BCKDHB: variants seen among roughly 807,000 people sequenced by gnomAD.
The protein encoded by BCKDHB is branched chain keto acid dehydrogenase E1 subunit beta.
A neutral mutation model predicts 48.5 loss-of-function variants in BCKDHB; 41 were observed. That is an observed-to-expected ratio of 0.85 (90% CI 0.66 to 1.10). The LOEUF is 1.10. BCKDHB is among the 50% of genes least tolerant of loss of function. BCKDHB has a pLI of 0.00. For synonymous variants in BCKDHB, 201 were observed against 174.8 expected, an observed-to-expected ratio of 1.15 and a Z score of -1.18; for missense variants, 496 against 494.2, an observed-to-expected ratio of 1.00 and a Z score of -0.03.
At chr6:80,221,805 A>G (rs1046884974) in intron 8 of BCKDHB, among the ~76,000 whole-genome samples, 6 of 152,218 alleles carry the variant, frequency 3.9e-5, no homozygotes, top group African/African-American at 1.4e-4. Flanking sequence ...AATTTTCTGC[A>G]TAATTAGTGT....
chr6:80,269,578 A>G (rs928183853), intron 8 of BCKDHB, among the ~76,000 whole-genome samples: 1 of 152,010 alleles, frequency 6.6e-6, no homozygotes, highest in African/African-American at 2.4e-5. Flanking sequence ...ATCCAGGAAC[A>G]GTACTCGGTG....
the BCKDHB span, among the ~76,000 whole-genome samples, chr6:80,397,740 G>A: frequency 1.3e-3 from 193 of 152,176 alleles, no homozygotes; most frequent in African/African-American, 4.5e-3. Context: ...AAATTAGCCA[G>A]GCATGGTGGC....
At chr6:80,252,810 A>C (rs1434675703) in intron 8 of BCKDHB, among the ~76,000 whole-genome samples, 1 of 152,230 alleles carries the variant, frequency 6.6e-6, no homozygotes, top group Non-Finnish European at 1.5e-5. Flanking sequence ...AAAAGATTTA[A>C]TTGGACTGTT....
the BCKDHB span, among the ~76,000 whole-genome samples, chr6:80,460,378 C>G: frequency 6.6e-6 from 1 of 152,124 alleles, no homozygotes; most frequent in Non-Finnish European, 1.5e-5. Flanking sequence ...TGCAGAGGCA[C>G]TTGCTTTACA....
chr6:80,248,416 T>C (rs1489532378), intron 8 of BCKDHB, among the ~76,000 whole-genome samples: 2 of 152,222 alleles, frequency 1.3e-5, no homozygotes, highest in African/African-American at 4.8e-5. Context: ...TTTTTTGAGC[T>C]TAGGGTTTAT....
chr6:80,236,835 TTATTATCACTTC>T (rs1349311008), intron 8 of BCKDHB, among the ~76,000 whole-genome samples: 1 of 152,214 alleles, frequency 6.6e-6, no homozygotes, highest in Non-Finnish European at 1.5e-5. Context: ...ATAGTGAATG[TTATTATCACTTC>T]TTGGAAAAAT....
chr6:80,406,354 C>T, the BCKDHB span, among the ~76,000 whole-genome samples: 1 of 152,164 alleles, frequency 6.6e-6, no homozygotes, highest in African/African-American at 2.4e-5. Flanking sequence ...AATGGGATTG[C>T]CCTTGGGTAT....
At chr6:80,336,512 A>C (rs1479340393) in intron 9 of BCKDHB, among the ~76,000 whole-genome samples, 2 of 116,340 alleles carry the variant, frequency 1.7e-5, no homozygotes, top group Admixed American at 2.1e-4. Context: ...AACAAAAAAA[A>C]ACCAAATTTA....
rs750486738 is a variant in BCKDHB at position 80,129,120 on chromosome 6, G to A, written c.275-41G>A. On this transcript the variant is annotated intron_variant, in intron 2 of 9. Transcript: ENST00000320393. Reference sequence around the variant, plus strand: ...TTTCTCATTGTTAGTATTATTTAGAGATTATTAAATAAAATGTATTATTTA... The same window carrying A: ...TTTCTCATTGTTAGTATTATTTAGAAATTATTAAATAAAATGTATTATTTA... The A allele has an allele frequency of 2.0e-5, 27 of 1,346,794 alleles. 1 individual carries two copies. In the South Asian group the frequency reaches 3.2e-4, roughly 16 times the overall value. 83.4% of individuals were successfully genotyped at this position (1,346,794 alleles called of 1,614,324 possible).
intron 3 of BCKDHB, among the ~76,000 whole-genome samples, chr6:80,151,196 T>C (rs1445354866): frequency 6.6e-6 from 1 of 152,210 alleles, no homozygotes; most frequent in Non-Finnish European, 1.5e-5. Context: ...CTTATTGATG[T>C]GTTTTCTGAT....
At position 80,290,283 on chromosome 6, in the gene BCKDHB, C is replaced by T. The variant is rs536170974; in HGVS notation, c.1038+17062C>T. ...GGAGGGGAGCAGGGTATGCCTACCT[C>T]CACAGAGTTGATCCAGAGATAGTGA... On this transcript the variant is annotated intron_variant, in intron 9 of 9. Transcript: ENST00000320393. Among the ~76,000 whole-genome samples the T allele has an allele frequency of 6.2e-4, 94 of 152,278 alleles. 1 individual carries two copies. Among genetic ancestry groups the T allele is most frequent in the African/African-American group, 2.2e-3 (93 of 41,562 alleles).
chr6:80,140,310 A>G (rs367844422), intron 3 of BCKDHB, among the ~76,000 whole-genome samples: 3 of 152,084 alleles, frequency 2.0e-5, no homozygotes, highest in Non-Finnish European at 4.4e-5. Flanking sequence ...TCTCCTGCCT[A>G]ATTGCCCTGG....
At chr6:80,264,696 G>A (rs555399904) in intron 8 of BCKDHB, among the ~76,000 whole-genome samples, 11 of 152,226 alleles carry the variant, frequency 7.2e-5, no homozygotes, top group African/African-American at 2.4e-4. Context: ...GAGGAAACCA[G>A]AACGTGATGC....
At chr6:80,350,721 C>T (rs756523211), downstream of BCKDHB, among the ~76,000 whole-genome samples, 2 of 152,092 alleles carry the variant, frequency 1.3e-5, no homozygotes, top group Non-Finnish European at 1.5e-5. Flanking sequence ...ACTATGAACC[C>T]TCATAAGATT....
At chr6:80,428,059 T>C in the BCKDHB span, among the ~76,000 whole-genome samples, 2 of 151,908 alleles carry the variant, frequency 1.3e-5, no homozygotes, top group Admixed American at 6.6e-5. Flanking sequence ...TGTGTGATGT[T>C]CCCCTCCCTG....
chr6:80,417,777 A>T, the BCKDHB span, among the ~76,000 whole-genome samples: 1 of 151,704 alleles, frequency 6.6e-6, no homozygotes, highest in African/African-American at 2.4e-5. Flanking sequence ...TTTTTTCTTT[A>T]TTTCAACTAT....
the BCKDHB span, among the ~76,000 whole-genome samples, chr6:80,359,083 T>G: frequency 2.6e-5 from 4 of 152,200 alleles, no homozygotes; most frequent in Non-Finnish European, 5.9e-5. Context: ...AGCAGCCCAG[T>G]TCACCAAGTT....
chr6:80,302,991 A>T (rs896464076), intron 9 of BCKDHB, among the ~76,000 whole-genome samples: 10 of 152,062 alleles, frequency 6.6e-5, no homozygotes, highest in Non-Finnish European at 1.3e-4. Context: ...AATGATGCTT[A>T]AAAAAAGAGC....
At chr6:80,349,371 A>G (rs1294168121), downstream of BCKDHB, among the ~76,000 whole-genome samples, 1 of 152,136 alleles carries the variant, frequency 6.6e-6, no homozygotes, top group Non-Finnish European at 1.5e-5. Context: ...CTAGATTCTT[A>G]GGTACAAAGT....
Sources: allele counts gnomAD v4.1 joint callset (sites outside exome capture counted in the v4.1 genomes callset), GRCh38; gene constraint gnomAD v4.1.1; transcripts MANE v1.5; gene names NCBI Gene and HGNC (gene_info 2026-07-23, HGNC 2026-07-21).